The following PLET1 variants were observed in gnomAD, a reference collection of about 807,000 sequenced individuals.
PLET1 encodes placenta-expressed transcript 1 protein.
A neutral mutation model predicts 18.5 loss-of-function variants in PLET1; 20 were observed. The ratio of observed to expected loss-of-function variants is 1.08; its 90% CI spans 0.76 to 1.57. PLET1 has a LOEUF of 1.57. Among genes scored for constraint, PLET1 ranks in the 40% most tolerant of loss-of-function variants. The pLI is 0.00. For missense variants in PLET1, 256 were observed against 246.4 expected (o/e 1.04, Z -0.26); for synonymous variants, 93 against 93.8 (o/e 0.99, Z 0.05).
Position 112,252,543 on chromosome 11 carries a change from A to C in PLET1, c.387-134T>G, listed in dbSNP as rs112700114. On this transcript the variant is annotated intron_variant, in intron 2 of 3. Transcript: ENST00000338832. ...TTCTGTATGGCACAATGAGCAGATC[A>C]TTAAATACTGGTCTGCTTTTGATTG... is the stretch of plus-strand genomic sequence containing the variant. The C allele has an allele frequency of 1.6e-3, 1,162 of 735,344 alleles. 9 individuals are homozygous for C. In the African/African-American group the frequency reaches 0.018, roughly 12 times the overall value. 45.6% of individuals were successfully genotyped at this position (735,344 alleles called of 1,614,324 possible).
chr11:112,254,763 GCTGC>G (rs1860199182), intron 2 of PLET1, among the ~76,000 whole-genome samples: 1 of 14,100 alleles, frequency 7.1e-5, no homozygotes, highest in Admixed American at 8.6e-4. Flanking sequence ...TGGTGTGTGT[GCTGC>G]GTGTGGTACG....
intron 3 of PLET1, among the ~76,000 whole-genome samples, chr11:112,251,959 T>A (rs1038410336): frequency 1.3e-5 from 2 of 152,242 alleles, no homozygotes; most frequent in Non-Finnish European, 2.9e-5. Context: ...TTTAAAACCC[T>A]TTGGTTAAAG....
rs145135569 is a variant in PLET1, at chr11:112,256,119, A to G, written c.185-530T>C. ...GCTGATTCTCTTGGTCTCTGTTGTTAGGGTGTGGGAAGGAGTGCCTTTGAG... is the reference window on the plus strand; with the variant it reads ...GCTGATTCTCTTGGTCTCTGTTGTTGGGGTGTGGGAAGGAGTGCCTTTGAG... On this transcript the variant is annotated intron_variant, in intron 1 of 3. Transcript: ENST00000338832. Among the ~76,000 whole-genome samples, 909 of 152,286 alleles carry G rather than the reference A, an allele frequency of 6.0e-3. 3 individuals are homozygous for G. Among genetic ancestry groups the G allele is most frequent in the South Asian group, 0.011 (51 of 4,830 alleles).
rs994640054 is a variant in PLET1 at position 112,248,910 on chromosome 11, A to G, written c.513T>C (p.Ile171=). Residue 171 remains isoleucine, a synonymous_variant, in exon 4 of 4, where the codon ATT becomes ATC. Transcript: ENST00000338832. ...CTTCGAGTCTGATACTCTTGGGTGTAATCATGAAGAAAGGCTTGAAGGCTG... is the reference window on the plus strand; with the variant it reads ...CTTCGAGTCTGATACTCTTGGGTGTGATCATGAAGAAAGGCTTGAAGGCTG... ...QSSAFKPFFM[I]TPKSIRLEGL... is the part of the protein sequence containing the mutation. 19 of 1,551,390 alleles carry G rather than the reference A, an allele frequency of 1.2e-5. No individual in the cohort carries two copies. The highest frequency in any genetic ancestry group is 2.0e-5 in the Admixed American group (1 of 50,994).
chr11:112,254,404 A>G (rs1308514093), intron 2 of PLET1, among the ~76,000 whole-genome samples: 6 of 120,846 alleles, frequency 5.0e-5, no homozygotes, highest in South Asian at 2.8e-4. Flanking sequence ...TGGTACCTCT[A>G]TCGTGTGTGT....
intron 1 of PLET1, among the ~76,000 whole-genome samples, chr11:112,255,891 A>G (rs1402224717): frequency 6.6e-6 from 1 of 152,220 alleles, no homozygotes; most frequent in African/African-American, 2.4e-5. Flanking sequence ...ACCCATACTC[A>G]GCTCTGGTTT....
chr11:112,259,518 T>C (rs929194485), intron 1 of PLET1, among the ~76,000 whole-genome samples: 2 of 152,130 alleles, frequency 1.3e-5, no homozygotes, highest in African/African-American at 4.8e-5. Flanking sequence ...AAGAAAAGCA[T>C]TGGATTAAGA....
chr11:112,259,556 T>C (rs2135419776), intron 1 of PLET1, among the ~76,000 whole-genome samples: 1 of 152,322 alleles, frequency 6.6e-6, no homozygotes, highest in South Asian at 2.1e-4. Flanking sequence ...CAAGAGCCAG[T>C]TCTATGACTT....
chr11:112,248,344 C>G lies in PLET1; in HGVS notation c.*455G>C, dbSNP rs973323271. The G allele has an allele frequency of 2.7e-6, 1 of 371,676 alleles. No homozygotes were observed. The allele number at this position is 371,676 out of a possible 1,614,324, so 23.0% of individuals were successfully genotyped here. A position where few individuals can be genotyped will look rare whatever the true frequency, so the allele number is the denominator to read the frequency against. On this transcript the variant is annotated 3_prime_UTR_variant, in exon 4 of 4. Transcript: ENST00000338832. ...GCTATTTCTCCTTTCTCCTTTCTTT[C>G]TTGAGTCACATGAGTCACAGAAGTT... is the stretch of plus-strand genomic sequence containing the variant.
intron 1 of PLET1, among the ~76,000 whole-genome samples, chr11:112,258,687 CACCT>C (rs1380519239): frequency 1.3e-5 from 2 of 152,186 alleles, no homozygotes; most frequent in Non-Finnish European, 2.9e-5. Flanking sequence ...GTGCCTCTGA[CACCT>C]GAGGCTCTCC....
intron 3 of PLET1, among the ~76,000 whole-genome samples, chr11:112,250,406 CA>C (rs1432809052): frequency 1.3e-5 from 2 of 151,948 alleles, no homozygotes; most frequent in Admixed American, 6.6e-5. Flanking sequence ...AAGATACCAA[CA>C]AGGACACACT....
chr11:112,260,333 G>A (rs899108976), intron 1 of PLET1, 73 bp downstream of exon 1: 12 of 1,344,742 alleles, frequency 8.9e-6, no homozygotes, highest in African/African-American at 8.8e-5. Context: ...TAGCGATAGA[G>A]GGGTGTGTTC....
At chr11:112,254,247 C>T (rs1469093530) in intron 2 of PLET1, among the ~76,000 whole-genome samples, 1 of 104,988 alleles carries the variant, frequency 9.5e-6, no homozygotes, top group Non-Finnish European at 1.9e-5. Flanking sequence ...GGAATGTGGT[C>T]TGGTATGTGC....
chr11:112,256,397 C>G (rs1373139573), intron 1 of PLET1, among the ~76,000 whole-genome samples: 2 of 152,156 alleles, frequency 1.3e-5, no homozygotes, highest in Non-Finnish European at 2.9e-5. Flanking sequence ...TCATGCAACA[C>G]AAAAGGATCA....
chr11:112,259,980 G>A (rs1860269692), intron 1 of PLET1, among the ~76,000 whole-genome samples: 1 of 152,200 alleles, frequency 6.6e-6, no homozygotes, highest in African/African-American at 2.4e-5. Flanking sequence ...GGAGGTTGCA[G>A]TGAGCTGAAA....
chr11:112,254,239 A>G (rs1426635877), intron 2 of PLET1, among the ~76,000 whole-genome samples: 1 of 73,464 alleles, frequency 1.4e-5, no homozygotes, highest in Non-Finnish European at 2.8e-5. Flanking sequence ...TATGTGTGGG[A>G]ATGTGGTCTG....
At chr11:112,252,263 C>G (rs1860164095) in intron 3 of PLET1, 85 bp downstream of exon 3, 1 of 1,248,332 alleles carries the variant, frequency 8.0e-7, no homozygotes, top group Non-Finnish European at 1.1e-6. Flanking sequence ...TAAGAAGACC[C>G]TCTTTTCTAG....
chr11:112,249,030 T>C (rs1290088763), intron 3 of PLET1, 56 bp from the exon 4 acceptor site: 2 of 1,494,028 alleles, frequency 1.3e-6, no homozygotes, highest in African/African-American at 2.8e-5. Context: ...GGAACCTCCG[T>C]TGGGTGGTGG....
intron 3 of PLET1, among the ~76,000 whole-genome samples, chr11:112,249,782 C>T (rs1049799610): frequency 5.9e-5 from 9 of 151,846 alleles, no homozygotes; most frequent in African/African-American, 2.2e-4. Context: ...CATGGTGAAA[C>T]CCTGTCTCTA....
Sources: allele counts gnomAD v4.1 joint callset (sites outside exome capture counted in the v4.1 genomes callset), GRCh38; gene constraint gnomAD v4.1.1; transcripts MANE v1.5; gene names NCBI Gene and HGNC (gene_info 2026-07-23, HGNC 2026-07-21).